PMM2: variants seen among roughly 807,000 people sequenced by gnomAD.
PMM2 encodes the protein phosphomannomutase 2, also known as mannose-6-phosphate isomerase.
PMM2 carries 35 observed loss-of-function variants against 33.2 expected under a neutral mutation model. The ratio of observed to expected loss-of-function variants is 1.06; its 90% confidence interval spans 0.81 to 1.40. The LOEUF is 1.40. PMM2 is among the 40% of genes most tolerant of loss of function. The probability of loss-of-function intolerance (pLI) is 0.00; values close to 1 mark genes in which losing one functional copy is unlikely to be tolerated. For synonymous variants in PMM2, 153 were observed against 114.7 expected (o/e 1.33, Z -2.13); for missense variants, 386 against 306.0 (o/e 1.26, Z -1.95).
At chr16:8,823,033 G>A (rs375395600) in intron 7 of PMM2, among the ~76,000 whole-genome samples, 11 of 152,044 alleles carry the variant, frequency 7.2e-5, no homozygotes, top group African/African-American at 2.4e-4. Flanking sequence ...CAGACAGATT[G>A]GGGTAGACAG....
intron 7 of PMM2, among the ~76,000 whole-genome samples, chr16:8,827,438 CTAGA>C: frequency 6.7e-6 from 1 of 149,496 alleles, no homozygotes. Context: ...GTCACCCAGG[CTAGA>C]TAGAGTGCAA....
chr16:8,831,031 C>T (rs747241127), intron 7 of PMM2, among the ~76,000 whole-genome samples: 9 of 152,042 alleles, frequency 5.9e-5, no homozygotes, highest in Non-Finnish European at 1.3e-4. Context: ...CCCAGCTACT[C>T]GGGAGGCTGA....
chr16:8,822,136 AG>A (rs1405906946), intron 7 of PMM2, among the ~76,000 whole-genome samples: 2 of 152,176 alleles, frequency 1.3e-5, no homozygotes, highest in Non-Finnish European at 2.9e-5. Context: ...CTTGCTGGGT[AG>A]GGGCTTGGGA....
chr16:8,814,240 C>A (rs762639863), intron 7 of PMM2, among the ~76,000 whole-genome samples: 1 of 152,102 alleles, frequency 6.6e-6, no homozygotes, highest in Non-Finnish European at 1.5e-5. Context: ...GATCCACCCA[C>A]CTCGGCCTCT....
At chr16:8,836,041 A>ACT in intron 7 of PMM2, among the ~76,000 whole-genome samples, 2 of 150,874 alleles carry the variant, frequency 1.3e-5, no homozygotes, top group African/African-American at 4.9e-5. Context: ...TGCTTAAAAG[A>ACT]GTAATGTCTA....
chr16:8,839,756 A>G (rs917659789), intron 7 of PMM2, among the ~76,000 whole-genome samples: 6 of 151,886 alleles, frequency 4.0e-5, no homozygotes, highest in African/African-American at 1.5e-4. Context: ...GAGTAAAGGA[A>G]CATCGAGAAG....
intron 7 of PMM2, among the ~76,000 whole-genome samples, chr16:8,845,887 C>CA (rs1225811611): frequency 6.6e-6 from 1 of 151,364 alleles, no homozygotes; most frequent in Non-Finnish European, 1.5e-5. Flanking sequence ...GAGGCTGAGG[C>CA]AGGAGGTTCG....
At chr16:8,832,539 A>G in intron 7 of PMM2, 1 of 985,426 alleles carries the variant, frequency 1.0e-6, no homozygotes, top group Non-Finnish European at 1.2e-6. Flanking sequence ...GGGCAGGCCT[A>G]GCAACTGTCA....
rs999108361 is a variant in PMM2 at position 8,797,876 on chromosome 16, T to C, written c.-7T>C. Reference sequence around the variant, plus strand: ...TGTCTTGTAAGGTGCGGCTAGAAACTGGGGACATGGCAGCGCCTGGCCCAG... The same window carrying C: ...TGTCTTGTAAGGTGCGGCTAGAAACCGGGGACATGGCAGCGCCTGGCCCAG... On this transcript the variant is annotated 5_prime_UTR_variant, in exon 1 of 8. Coordinates refer to ENST00000268261, the MANE Select transcript of PMM2 (RefSeq NM_000303.3). 9 of 1,611,254 alleles carry C rather than the reference T, an allele frequency of 5.6e-6. No individual in the cohort carries two copies. The African/African-American group carries it at 9.3e-5, about 17-fold the overall frequency.
intron 7 of PMM2, among the ~76,000 whole-genome samples, chr16:8,820,346 T>G (rs2060731019): frequency 7.0e-6 from 1 of 142,554 alleles, no homozygotes; most frequent in African/African-American, 2.8e-5. Flanking sequence ...GAGGACACAG[T>G]TCTTCTTTTT....
At chr16:8,831,020 T>C (rs1048068381) in intron 7 of PMM2, among the ~76,000 whole-genome samples, 1 of 152,132 alleles carries the variant, frequency 6.6e-6, no homozygotes, top group African/African-American at 2.4e-5. Context: ...ACACCTGTAA[T>C]CCCAGCTACT....
At chr16:8,844,899 G>T (rs984701420) in intron 7 of PMM2, among the ~76,000 whole-genome samples, 5 of 152,222 alleles carry the variant, frequency 3.3e-5, no homozygotes, top group African/African-American at 1.2e-4. Flanking sequence ...AAATTGGTGA[G>T]ATGTTTCTTG....
chr16:8,810,266 C>T (rs1281982067), intron 4 of PMM2: 1 of 152,130 alleles, frequency 6.6e-6, no homozygotes, highest in Non-Finnish European at 1.5e-5. Flanking sequence ...TTCTCAGAGC[C>T]TTTTTCTGTG....
At chr16:8,819,179 C>T (rs1776673947) in intron 7 of PMM2, among the ~76,000 whole-genome samples, 1 of 152,228 alleles carries the variant, frequency 6.6e-6, no homozygotes, top group Admixed American at 6.5e-5. Context: ...GGGTTGGGGA[C>T]AGCCCCGCTG....
chr16:8,845,713 T>TG (rs898280736), intron 7 of PMM2, among the ~76,000 whole-genome samples: 45 of 151,838 alleles, frequency 3.0e-4, no homozygotes, highest in African/African-American at 9.4e-4. Context: ...GGATTACAGG[T>TG]GCGCACCACC....
chr16:8,848,183 C>G lies in PMM2; in HGVS notation c.*358C>G, dbSNP rs1016184768. On this transcript the variant is annotated 3_prime_UTR_variant, in exon 8 of 8. Coordinates refer to ENST00000268261, the MANE Select transcript of PMM2 (RefSeq NM_000303.3). ...GAAAAACTGTGCCTGGACCCTCCCTCTTGGTGGGTCTGTGGAAACATAAGC... is the reference window on the plus strand; with the variant it reads ...GAAAAACTGTGCCTGGACCCTCCCTGTTGGTGGGTCTGTGGAAACATAAGC... 3 of 277,428 alleles carry G rather than the reference C, an allele frequency of 1.1e-5. No homozygotes were observed. Among genetic ancestry groups the G allele is most frequent in the Admixed American group, 9.7e-5 (2 of 20,716 alleles). The allele number at this position is 277,428 out of a possible 1,614,324, so 17.2% of individuals were successfully genotyped here.
intron 7 of PMM2, among the ~76,000 whole-genome samples, chr16:8,845,588 G>T (rs1445894776): frequency 1.3e-5 from 2 of 150,408 alleles, no homozygotes; most frequent in Non-Finnish European, 3.0e-5. Flanking sequence ...TTTTTTGTTT[G>T]TTTTTTTTTC....
intron 7 of PMM2, among the ~76,000 whole-genome samples, chr16:8,822,383 G>T (rs573594158): frequency 1.3e-5 from 2 of 152,208 alleles, no homozygotes; most frequent in Non-Finnish European, 2.9e-5. Context: ...TCAGACTCTT[G>T]TAGCTAATTT....
In PMM2 at chr16:8,797,916, G is replaced by C. The variant is rs755237333; in HGVS notation, c.34G>C (p.Asp12His). The C allele has an allele frequency of 1.9e-6, 3 of 1,610,784 alleles. No individual in the cohort carries two copies. Among genetic ancestry groups the C allele is most frequent in the East Asian group, 2.2e-5 (1 of 44,786 alleles). Residue 12 changes from aspartate to histidine, a missense_variant, in exon 1 of 8, where the codon GAC (aspartate) becomes CAC (histidine). Asp to His is a moderately conservative substitution (Grantham distance 81). Coordinates refer to ENST00000268261, the MANE Select transcript of PMM2 (RefSeq NM_000303.3). ...GCCTGGCCCAGCGCTCTGCCTCTTCGACGTGGATGGGACCCTCACCGCCCC... is the reference window on the plus strand; with the variant it reads ...GCCTGGCCCAGCGCTCTGCCTCTTCCACGTGGATGGGACCCTCACCGCCCC... ...AAPGPALCLF[D>H]VDGTLTAPRQ...
Sources: gnomAD v4.1 joint callset for allele counts (sites outside exome capture counted in the v4.1 genomes callset) on GRCh38, gnomAD v4.1.1 for gene constraint, MANE v1.5 for transcripts, NCBI Gene and HGNC (gene_info 2026-07-23, HGNC 2026-07-21) for gene names.